Variants in WDHD1 observed in about 807,000 individuals in gnomAD.
WDHD1 encodes WD repeat and HMG-box DNA binding protein 1, also known as WD repeat and HMG-box DNA-binding protein 1.
WDHD1 carries 111 observed loss-of-function variants against 135.4 expected under a neutral mutation model. That is an observed-to-expected ratio of 0.82 (90% CI 0.70 to 0.96). The LOEUF (loss-of-function observed/expected upper bound fraction) is 0.96, where lower values mean the gene tolerates loss of function less well. Ranked by LOEUF, WDHD1 falls within the 40% of genes least tolerant of loss-of-function variation. The probability of loss-of-function intolerance (pLI) is 0.00; values close to 1 mark genes in which losing one functional copy is unlikely to be tolerated. For missense variants in WDHD1, 1,351 were observed against 1,336.3 expected (o/e 1.01, Z -0.17); for synonymous variants, 434 against 439.0 (o/e 0.99, Z 0.14).
chr14:54,994,292 T>C (rs1403063052), intron 11 of WDHD1, among the ~76,000 whole-genome samples: 1 of 152,198 alleles, frequency 6.6e-6, no homozygotes, highest in South Asian at 2.1e-4. Flanking sequence ...GTCTATTTCA[T>C]TTAAGTTGTT....
At chr14:55,017,009 C>T (rs1009009032) in intron 2 of WDHD1, among the ~76,000 whole-genome samples, 3 of 152,098 alleles carry the variant, frequency 2.0e-5, no homozygotes, top group South Asian at 2.1e-4. Context: ...AATAGAAAAT[C>T]GCCCGTATTA....
chr14:54,957,121 G>C lies in WDHD1; in HGVS notation c.2829C>G (p.Ser943=), dbSNP rs758747635. ...TNILDNMGKS[S]KKSTALSRTT... ...TTCGACTAAGTGCAGTGGATTTCTT[G>C]GATGATTTGCCCATATTGTCTAAAA... Residue 943 remains serine, a synonymous_variant, in exon 23 of 26, where the codon TCC becomes TCG. Transcript: ENST00000360586. The C allele has an allele frequency of 6.2e-7, 1 of 1,614,096 alleles. No homozygotes were observed. The highest frequency in any genetic ancestry group is 2.2e-5 in the East Asian group (1 of 44,874).
intron 23 of WDHD1, among the ~76,000 whole-genome samples, chr14:54,956,278 T>C (rs1212458791): frequency 6.6e-6 from 1 of 151,986 alleles, no homozygotes; most frequent in Non-Finnish European, 1.5e-5. Flanking sequence ...AAAATACAGA[T>C]AAATGTCTGA....
rs2042148644 is a variant in WDHD1 at position 55,010,365 on chromosome 14, T to C, written c.285A>G (p.Thr95=). ...VPDGILTRFT[T]NANHVVFNGD... is the part of the protein sequence containing the mutation. Reference sequence around the variant, plus strand: ...CATTAAAGACCACATGGTTTGCATTTGTAGTGAAGCGAGTCAATATACCAT... The same window carrying C: ...CATTAAAGACCACATGGTTTGCATTCGTAGTGAAGCGAGTCAATATACCAT... The change falls in exon 4 of 26, where the codon ACA becomes ACG. Residue 95 remains threonine, a synonymous_variant. Transcript: ENST00000360586. 3 of 1,613,350 alleles carry C rather than the reference T, an allele frequency of 1.9e-6. No homozygotes were observed. In the East Asian group the frequency reaches 6.7e-5, roughly 36 times the overall value.
chr14:54,941,819 GTT>G, intron 25 of WDHD1, 129 bp from the exon 26 acceptor site: 3 of 756,860 alleles, frequency 4.0e-6, no homozygotes, highest in Non-Finnish European at 6.1e-6. Flanking sequence ...TGAATTAAGT[GTT>G]CTCATTGTTA....
chr14:54,941,397 A>AT lies in WDHD1; in HGVS notation c.*92_*93insA, dbSNP rs901107631. ...AACAGTTGCTTCAAACTCTTTAAAAAATATATATATAATGAGTTTCCCAAA... is the reference window on the plus strand; with the variant it reads ...AACAGTTGCTTCAAACTCTTTAAAAATATATATATATAATGAGTTTCCCAAA... On this transcript the variant is annotated 3_prime_UTR_variant, in exon 26 of 26. Coordinates refer to ENST00000360586, the MANE Select transcript of WDHD1 (RefSeq NM_007086.4). 25 of 1,048,818 alleles carry AT rather than the reference A, an allele frequency of 2.4e-5. No individual in the cohort carries two copies. The highest frequency in any genetic ancestry group is 3.2e-5 in the Non-Finnish European group (24 of 749,276). 65.0% of individuals were successfully genotyped at this position (1,048,818 alleles called of 1,614,324 possible). A position where few individuals can be genotyped will look rare whatever the true frequency, so the allele number is the denominator to read the frequency against.
intron 10 of WDHD1, among the ~76,000 whole-genome samples, chr14:54,997,865 C>G (rs900115877): frequency 2.1e-5 from 3 of 144,658 alleles, no homozygotes; most frequent in African/African-American, 7.7e-5. Flanking sequence ...GAGCCGAGAT[C>G]GCGCCATTGC....
chr14:55,003,095 T>C (rs541273187), intron 7 of WDHD1, among the ~76,000 whole-genome samples: 1 of 152,288 alleles, frequency 6.6e-6, no homozygotes, highest in Admixed American at 6.5e-5. Context: ...ATTAGTAACA[T>C]ATAATAAAAA....
At chr14:55,009,019 A>G (rs1027945776) in intron 4 of WDHD1, among the ~76,000 whole-genome samples, 2 of 150,790 alleles carry the variant, frequency 1.3e-5, no homozygotes, top group Non-Finnish European at 3.0e-5. Context: ...CTGGTCTTGA[A>G]CTCCCGACCT....
At chr14:54,951,279 GA>G (rs1260460495) in intron 24 of WDHD1, among the ~76,000 whole-genome samples, 1 of 150,448 alleles carries the variant, frequency 6.6e-6, no homozygotes, top group Non-Finnish European at 1.5e-5. Context: ...AAAGAGAGAA[GA>G]ATCAAATAGA....
At chr14:55,015,835 A>C (rs925405730) in intron 2 of WDHD1, among the ~76,000 whole-genome samples, 1 of 152,028 alleles carries the variant, frequency 6.6e-6, no homozygotes, top group African/African-American at 2.4e-5. Context: ...AGTAGCTGGG[A>C]CTGCAGGCGT....
At chr14:54,942,433 G>A (rs2040855112) in intron 25 of WDHD1, among the ~76,000 whole-genome samples, 2 of 152,012 alleles carry the variant, frequency 1.3e-5, no homozygotes, top group South Asian at 2.1e-4. Context: ...ATAGGGAACT[G>A]ACATTGAAAC....
At chr14:54,985,645 C>T (rs185913972) in intron 14 of WDHD1, among the ~76,000 whole-genome samples, 5 of 152,312 alleles carry the variant, frequency 3.3e-5, no homozygotes, top group African/African-American at 1.2e-4. Context: ...ATCACCTAGG[C>T]TGCTCTGTGG....
intron 24 of WDHD1, among the ~76,000 whole-genome samples, chr14:54,951,046 A>G (rs368869027): frequency 0.011 from 1,689 of 152,240 alleles, 30 homozygotes; most frequent in East Asian, 0.067. Flanking sequence ...GAGAAAGCAG[A>G]AAATATCTAA....
intron 21 of WDHD1, 43 bp from the exon 22 acceptor site, chr14:54,957,678 A>T: frequency 6.6e-7 from 1 of 1,525,168 alleles, no homozygotes; most frequent in Non-Finnish European, 9.0e-7. Flanking sequence ...GGTAGAAAAT[A>T]GATGACTTCT....
chr14:54,988,996 T>C (rs1298691322), intron 13 of WDHD1, 32 bp downstream of exon 13: 1 of 1,585,858 alleles, frequency 6.3e-7, no homozygotes, highest in South Asian at 1.1e-5. Context: ...AGTTCAACAG[T>C]GCCAAATTCT....
intron 7 of WDHD1, among the ~76,000 whole-genome samples, chr14:55,006,956 G>A (rs1372117586): frequency 6.6e-6 from 1 of 152,086 alleles, no homozygotes; most frequent in Non-Finnish European, 1.5e-5. Context: ...GCCAGGCACG[G>A]TGGCTCACGC....
intron 7 of WDHD1, among the ~76,000 whole-genome samples, chr14:55,003,684 C>T (rs1319149634): frequency 2.6e-5 from 4 of 151,706 alleles, no homozygotes; most frequent in African/African-American, 9.7e-5. Context: ...CTGCCTCAGC[C>T]TCCCGAGCAG....
At chr14:54,945,780 C>G (rs1049439025) in intron 24 of WDHD1, among the ~76,000 whole-genome samples, 15 of 152,156 alleles carry the variant, frequency 9.9e-5, no homozygotes, top group African/African-American at 3.6e-4. Flanking sequence ...ACCTCATGAT[C>G]CACTCGCCTC....
Sources: gnomAD v4.1 joint callset for allele counts (sites outside exome capture counted in the v4.1 genomes callset) on GRCh38, gnomAD v4.1.1 for gene constraint, MANE v1.5 for transcripts, NCBI Gene and HGNC (gene_info 2026-07-23, HGNC 2026-07-21) for gene names.